FOXN3: variants seen among roughly 807,000 people sequenced by gnomAD.
FOXN3 encodes forkhead box N3.
In FOXN3, 7 loss-of-function variants were observed where a neutral mutation model predicts 38.4. The ratio of observed to expected loss-of-function variants is 0.18; its 90% CI spans 0.10 to 0.34. The LOEUF is 0.34. FOXN3 is among the 10% of genes least tolerant of loss of function. The pLI is 1.00. For missense variants in FOXN3, 456 were observed against 613.4 expected (o/e 0.74, Z 2.71); for synonymous variants, 230 against 242.2 (o/e 0.95, Z 0.47).
intron 3 of FOXN3, among the ~76,000 whole-genome samples, chr14:89,306,602 C>A (rs548812773): frequency 6.6e-6 from 1 of 152,056 alleles, no homozygotes; most frequent in African/African-American, 2.4e-5. Flanking sequence ...CTCCTGAACT[C>A]GTGATCCGCC....
chr14:89,376,563 C>CGTAG (rs985353826), intron 2 of FOXN3, among the ~76,000 whole-genome samples: 2 of 152,144 alleles, frequency 1.3e-5, no homozygotes, highest in African/African-American at 4.8e-5. Context: ...AGTATCTCTC[C>CGTAG]GTAGGCTATG....
chr14:89,546,145 G>C (rs1471747736), intron 1 of FOXN3, among the ~76,000 whole-genome samples: 1 of 152,134 alleles, frequency 6.6e-6, no homozygotes, highest in Non-Finnish European at 1.5e-5. Context: ...GTAGAAAGAA[G>C]AACCTATGGT....
chr14:89,200,897 A>G (rs1043220364), intron 4 of FOXN3, among the ~76,000 whole-genome samples: 4 of 152,212 alleles, frequency 2.6e-5, no homozygotes, highest in Admixed American at 1.3e-4. Context: ...GAAAAAACTC[A>G]AAGAACCATG....
intron 1 of FOXN3, among the ~76,000 whole-genome samples, chr14:89,563,755 A>G (rs893736266): frequency 3.3e-5 from 5 of 152,176 alleles, no homozygotes; most frequent in Non-Finnish European, 7.3e-5. Context: ...CAATGGGGCA[A>G]TTGCAGGAAA....
chr14:89,363,959 T>TATATATATATATATATATA (rs1890004511), intron 2 of FOXN3, among the ~76,000 whole-genome samples: 1 of 10,690 alleles, frequency 9.4e-5, no homozygotes, highest in Non-Finnish European at 2.4e-4. Flanking sequence ...TATATATATA[T>TATATATATATATATATATA]ATATATATAT....
chr14:89,296,164 G>T (rs1887034214), intron 3 of FOXN3, among the ~76,000 whole-genome samples: 1 of 151,914 alleles, frequency 6.6e-6, no homozygotes, highest in Admixed American at 6.6e-5. Flanking sequence ...CATGTTTTGA[G>T]TATATACTGA....
intron 4 of FOXN3, among the ~76,000 whole-genome samples, chr14:89,277,634 G>A (rs956229890): frequency 2.6e-5 from 4 of 152,122 alleles, no homozygotes; most frequent in African/African-American, 7.2e-5. Flanking sequence ...AGGACCTCGA[G>A]AACAACCAGT....
intron 1 of FOXN3, among the ~76,000 whole-genome samples, chr14:89,474,447 G>T (rs1349745107): frequency 6.6e-6 from 1 of 152,180 alleles, no homozygotes; most frequent in African/African-American, 2.4e-5. Flanking sequence ...ATGTGTGGCA[G>T]AACCACTTGG....
chr14:89,475,267 C>T (rs1221018804), intron 1 of FOXN3, among the ~76,000 whole-genome samples: 3 of 152,088 alleles, frequency 2.0e-5, no homozygotes, highest in Non-Finnish European at 2.9e-5. Context: ...AATATTGTAA[C>T]CAAGTATAAT....
At chr14:89,291,494 A>AC in intron 3 of FOXN3, 1 of 596,118 alleles carries the variant, frequency 1.7e-6, no homozygotes, top group Non-Finnish European at 3.3e-6. Context: ...ACTCTTGCTT[A>AC]CCCCGCCATC....
chr14:89,206,202 CG>C (rs1174891880), intron 4 of FOXN3, among the ~76,000 whole-genome samples: 1 of 152,138 alleles, frequency 6.6e-6, no homozygotes, highest in Non-Finnish European at 1.5e-5. Context: ...GTGGGTAAAA[CG>C]CCCCGTACAT....
intron 1 of FOXN3, among the ~76,000 whole-genome samples, chr14:89,521,320 A>G (rs571299592): frequency 1.6e-4 from 24 of 151,518 alleles, no homozygotes; most frequent in African/African-American, 5.6e-4. Context: ...AAAAAACAAA[A>G]GAGAGAGAGA....
At chr14:89,237,090 G>A (rs1885003402) in intron 4 of FOXN3, among the ~76,000 whole-genome samples, 1 of 152,050 alleles carries the variant, frequency 6.6e-6, no homozygotes, top group African/African-American at 2.4e-5. Flanking sequence ...CTGAGAGCAT[G>A]TGGCAGGGCA....
At chr14:89,545,684 G>A (rs1375619089) in intron 1 of FOXN3, among the ~76,000 whole-genome samples, 1 of 152,176 alleles carries the variant, frequency 6.6e-6, no homozygotes, top group Admixed American at 6.5e-5. Context: ...CAATACATAT[G>A]CCCTCAGGTA....
chr14:89,557,196 T>C (rs1430451771), intron 1 of FOXN3, among the ~76,000 whole-genome samples: 1 of 152,198 alleles, frequency 6.6e-6, no homozygotes, highest in African/African-American at 2.4e-5. Context: ...CTCACACCTT[T>C]AGCAAAAGGT....
intron 2 of FOXN3, among the ~76,000 whole-genome samples, chr14:89,370,657 T>G (rs569073654): frequency 6.6e-6 from 1 of 152,230 alleles, no homozygotes; most frequent in Non-Finnish European, 1.5e-5. Context: ...AGAAAGAACT[T>G]TGGTTTGATG....
chr14:89,496,052 A>C (rs913653299), intron 1 of FOXN3, among the ~76,000 whole-genome samples: 1 of 152,156 alleles, frequency 6.6e-6, no homozygotes, highest in African/African-American at 2.4e-5. Context: ...GTCTCTACTA[A>C]AAATTCAAAA....
intron 1 of FOXN3, among the ~76,000 whole-genome samples, chr14:89,456,063 G>A (rs949141606): frequency 6.6e-6 from 1 of 151,944 alleles, no homozygotes; most frequent in Non-Finnish European, 1.5e-5. Flanking sequence ...GCATGGTGGC[G>A]GATGCCTGTA....
rs76372148 is a variant in FOXN3 at position 89,244,112 on chromosome 14, G to A, written c.745+36838C>T. Reference sequence around the variant, plus strand: ...ATAGGCATTCAATCTTAATACTAGAGATCTGGGAATCCTCTTTACACAGAA... The same window carrying A: ...ATAGGCATTCAATCTTAATACTAGAAATCTGGGAATCCTCTTTACACAGAA... On this transcript the variant is annotated intron_variant, in intron 4 of 5. Transcript: ENST00000557258. Among the ~76,000 whole-genome samples the A allele has an allele frequency of 4.7e-4, 71 of 152,316 alleles. 2 individuals are homozygous for A. The East Asian group carries it at 0.013, about 29-fold the overall frequency.
Sources: gnomAD v4.1 joint callset for allele counts (sites outside exome capture counted in the v4.1 genomes callset) on GRCh38, gnomAD v4.1.1 for gene constraint, MANE v1.5 for transcripts, NCBI Gene and HGNC (gene_info 2026-07-23, HGNC 2026-07-21) for gene names.